The following PDZD2 variants were observed in gnomAD, a reference collection of about 807,000 sequenced individuals.
PDZD2 encodes PDZ domain-containing protein 2.
PDZD2 carries 90 observed loss-of-function variants against 220.7 expected under a neutral mutation model. The ratio of observed to expected loss-of-function variants is 0.41; its 90% CI spans 0.34 to 0.49. The LOEUF (loss-of-function observed/expected upper bound fraction) is 0.49. Among genes scored for constraint, PDZD2 ranks in the 20% least tolerant of loss-of-function variants. PDZD2 has a pLI of 0.28. For missense variants in PDZD2, 3,174 were observed against 3,608.5 expected (o/e 0.88, Z 3.08); for synonymous variants, 1,375 against 1,450.5 (o/e 0.95, Z 1.18).
At chr5:31,969,365 A>G (rs1561219874) in intron 2 of PDZD2, among the ~76,000 whole-genome samples, 1 of 151,358 alleles carries the variant, frequency 6.6e-6, no homozygotes, top group African/African-American at 2.4e-5. Context: ...AAAATTAGCT[A>G]TTGCATAGTG....
intron 1 of PDZD2, among the ~76,000 whole-genome samples, chr5:31,696,623 A>G (rs1747390858): frequency 6.6e-6 from 1 of 152,158 alleles, no homozygotes; most frequent in Non-Finnish European, 1.5e-5. Context: ...ATTGAGCTGA[A>G]AATACGCTTC....
intron 1 of PDZD2, among the ~76,000 whole-genome samples, chr5:31,736,177 G>C (rs925606980): frequency 2.0e-5 from 3 of 152,186 alleles, no homozygotes; most frequent in African/African-American, 7.2e-5. Context: ...TTGATGACTT[G>C]AGGCAACTTT....
At chr5:31,888,875 G>A (rs1479326442) in intron 2 of PDZD2, among the ~76,000 whole-genome samples, 1 of 152,054 alleles carries the variant, frequency 6.6e-6, no homozygotes, top group Non-Finnish European at 1.5e-5. Flanking sequence ...GGTCCCATTC[G>A]ATAATGGGAA....
At chr5:31,724,506 G>A (rs1749002060) in intron 1 of PDZD2, among the ~76,000 whole-genome samples, 1 of 151,638 alleles carries the variant, frequency 6.6e-6, no homozygotes, top group Non-Finnish European at 1.5e-5. Flanking sequence ...GAAGACTGAG[G>A]CAGGAGAATC....
At chr5:31,814,331 T>A (rs1205953500) in intron 2 of PDZD2, among the ~76,000 whole-genome samples, 3 of 152,140 alleles carry the variant, frequency 2.0e-5, no homozygotes, top group Non-Finnish European at 4.4e-5. Context: ...CAAATATGAG[T>A]GACCAAGGCC....
intron 1 of PDZD2, among the ~76,000 whole-genome samples, chr5:31,650,973 G>T (rs1271318452): frequency 1.3e-5 from 2 of 152,208 alleles, no homozygotes; most frequent in Non-Finnish European, 2.9e-5. Flanking sequence ...CTTTGAGCCA[G>T]TCATGAAAGA....
intron 2 of PDZD2, among the ~76,000 whole-genome samples, chr5:31,882,831 C>A (rs1358424326): frequency 6.6e-6 from 1 of 151,766 alleles, no homozygotes; most frequent in Non-Finnish European, 1.5e-5. Flanking sequence ...GAGTTGGAGA[C>A]CAGCCTAGCC....
chr5:31,774,146 G>T (rs890932691), intron 1 of PDZD2, among the ~76,000 whole-genome samples: 2 of 152,098 alleles, frequency 1.3e-5, no homozygotes, highest in Admixed American at 1.3e-4. Flanking sequence ...CTGAGCTGGG[G>T]CTGTGTCTTC....
chr5:32,003,096 ACACACACCCCACAAACACACCACGCG>A (rs1752400803), intron 5 of PDZD2, among the ~76,000 whole-genome samples: 1 of 127,434 alleles, frequency 7.8e-6, no homozygotes, highest in African/African-American at 3.1e-5. Flanking sequence ...TACACTCCAC[ACACACACCCCACAAACACACCACGCG>A]CCACACACAC....
intron 2 of PDZD2, among the ~76,000 whole-genome samples, chr5:31,824,634 G>A (rs907616108): frequency 2.6e-5 from 4 of 151,048 alleles, no homozygotes; most frequent in Admixed American, 2.6e-4. Context: ...TGTGTGAGAT[G>A]TGCCACCCTC....
At chr5:32,016,986 C>T (rs1027277721) in intron 6 of PDZD2, among the ~76,000 whole-genome samples, 14 of 152,220 alleles carry the variant, frequency 9.2e-5, no homozygotes, top group Admixed American at 4.6e-4. Flanking sequence ...CAGGTCCTCA[C>T]TGTCACTGTG....
intron 2 of PDZD2, among the ~76,000 whole-genome samples, chr5:31,977,027 T>G (rs1475989770): frequency 9.2e-5 from 14 of 151,818 alleles, no homozygotes; most frequent in South Asian, 4.2e-4. Context: ...GTTTTGTTTT[T>G]TTTTTTTTAA....
At chr5:32,005,689 G>A (rs374955221) in intron 5 of PDZD2, among the ~76,000 whole-genome samples, 2 of 152,180 alleles carry the variant, frequency 1.3e-5, no homozygotes, top group South Asian at 2.1e-4. Flanking sequence ...ACAAGGAAAC[G>A]GCATATATAC....
chr5:31,920,664 G>A (rs979669813), intron 2 of PDZD2, among the ~76,000 whole-genome samples: 3 of 151,766 alleles, frequency 2.0e-5, no homozygotes, highest in South Asian at 2.1e-4. Context: ...TTTTTTAAAC[G>A]AACCAGGCGT....
chr5:31,975,259 C>T (rs1749645114), intron 2 of PDZD2, among the ~76,000 whole-genome samples: 1 of 152,126 alleles, frequency 6.6e-6, no homozygotes. Flanking sequence ...TGGTAGAAGG[C>T]AAATGAGGAG....
At chr5:32,073,756 G>A (rs894813620) in intron 17 of PDZD2, 76 bp from the exon 18 acceptor site, 2 of 887,388 alleles carry the variant, frequency 2.3e-6, no homozygotes, top group African/African-American at 1.7e-5. Flanking sequence ...TATGTGTAAT[G>A]ATGGGGTCAG....
intron 2 of PDZD2, among the ~76,000 whole-genome samples, chr5:31,836,312 A>G (rs747089478): frequency 1.4e-5 from 2 of 146,274 alleles, no homozygotes; most frequent in African/African-American, 5.1e-5. Context: ...GCTCACTGCA[A>G]CCTCCACCTC....
Position 32,080,320 on chromosome 5 carries a change from C to G in PDZD2, c.3682+2714C>G, listed in dbSNP as rs1246042771. ...CTGAGATCACACCACTGCACTCCAG[C>G]CTGGGCAACAGAGCGAGACTCCATC... On this transcript the variant is annotated intron_variant, in intron 19 of 24. Coordinates refer to ENST00000438447, the MANE Select transcript of PDZD2 (RefSeq NM_178140.4). Among the ~76,000 whole-genome samples the G allele has an allele frequency of 2.9e-5, 4 of 137,390 alleles. No individual in the cohort carries two copies. In the East Asian group the frequency reaches 8.8e-4, roughly 30 times the overall value. The allele number at this position is 137,390 out of a possible 152,430, so 90.1% of individuals were successfully genotyped here. A position where few individuals can be genotyped will look rare whatever the true frequency, so the allele number is the denominator to read the frequency against.
chr5:31,869,362 T>G (rs756285925), intron 2 of PDZD2, among the ~76,000 whole-genome samples: 25 of 152,076 alleles, frequency 1.6e-4, no homozygotes, highest in Admixed American at 3.3e-4. Flanking sequence ...CATCTCTTTT[T>G]TTCTGCCTCC....
Sources: allele counts gnomAD v4.1 joint callset (sites outside exome capture counted in the v4.1 genomes callset), GRCh38; gene constraint gnomAD v4.1.1; transcripts MANE v1.5; gene names NCBI Gene and HGNC (gene_info 2026-07-23, HGNC 2026-07-21).